Variants in EXT1 observed in about 807,000 individuals in gnomAD.
EXT1 encodes exostosin glycosyltransferase 1, also known as exostosin-1.
In EXT1, 20 loss-of-function variants were observed where a neutral mutation model predicts 82.5. The ratio of observed to expected loss-of-function variants is 0.24; its 90% CI spans 0.17 to 0.35. The LOEUF is 0.35. EXT1 is among the 10% of genes least tolerant of loss of function. The pLI, the probability that EXT1 is intolerant of heterozygous loss-of-function variation, is 1.00. For synonymous variants in EXT1, 348 were observed against 350.8 expected, an observed-to-expected ratio of 0.99 and a Z score of 0.09; for missense variants, 757 against 936.5, an observed-to-expected ratio of 0.81 and a Z score of 2.50.
intron 8 of EXT1, among the ~76,000 whole-genome samples, chr8:117,810,544 C>T (rs1361761548): frequency 6.6e-6 from 1 of 152,218 alleles, no homozygotes; most frequent in East Asian, 1.9e-4. Context: ...TGCATCACAG[C>T]AGTTGAAAGT....
chr8:117,827,065 T>C (rs563596739), intron 4 of EXT1, among the ~76,000 whole-genome samples: 1 of 152,318 alleles, frequency 6.6e-6, no homozygotes, highest in Admixed American at 6.5e-5. Context: ...GATGTGTGTG[T>C]TTTAATTATG....
intron 1 of EXT1, among the ~76,000 whole-genome samples, chr8:117,948,999 A>G (rs555814149): frequency 6.6e-6 from 1 of 152,370 alleles, no homozygotes; most frequent in Admixed American, 6.5e-5. Context: ...CCCCAGTGGA[A>G]GACAACTCTA....
At chr8:117,995,849 TC>T in intron 1 of EXT1, among the ~76,000 whole-genome samples, 1 of 152,210 alleles carries the variant, frequency 6.6e-6, no homozygotes, top group Non-Finnish European at 1.5e-5. Context: ...AGCTTCATTA[TC>T]ATCAACTGCC....
At chr8:117,926,085 T>C (rs1180677826) in intron 1 of EXT1, among the ~76,000 whole-genome samples, 1 of 152,234 alleles carries the variant, frequency 6.6e-6, no homozygotes. Context: ...TGGCCTAAGA[T>C]CTGCTAGCCG....
intron 1 of EXT1, among the ~76,000 whole-genome samples, chr8:117,892,779 C>A (rs1586268268): frequency 6.6e-6 from 1 of 152,120 alleles, no homozygotes; most frequent in East Asian, 1.9e-4. Flanking sequence ...TGGTTGAATG[C>A]TGGATATATC....
chr8:117,858,814 AAGG>A, intron 1 of EXT1, among the ~76,000 whole-genome samples: 1 of 39,874 alleles, frequency 2.5e-5, no homozygotes, highest in African/African-American at 9.7e-5. Flanking sequence ...GCAAGGCAGG[AAGG>A]AAGGAAGGAA....
Position 117,795,935 on chromosome 8 carries a change from G to GTCCC in EXT1, c.*3773_*3776dup, listed in dbSNP as rs1380602178. 1 of 152,040 alleles carries GTCCC rather than the reference G, an allele frequency of 6.6e-6. No homozygotes were observed. Among genetic ancestry groups the GTCCC allele is most frequent in the African/African-American group, 2.4e-5 (1 of 41,418 alleles). The allele number at this position is 152,040 out of a possible 1,614,324, so 9.4% of individuals were successfully genotyped here. A position where few individuals can be genotyped will look rare whatever the true frequency, so the allele number is the denominator to read the frequency against. On this transcript the variant is annotated 3_prime_UTR_variant, in exon 11 of 11. Transcript: ENST00000378204. ...TGAGAACTCAACTCAAAACAACTTT[G>GTCCC]TCCCTGTAAGCATGCCTGAGAAAAT...
rs1047715085 is a variant in EXT1 at position 117,968,771 on chromosome 8, A to G, written c.963-131570T>C. ...TTTTTAGTAGAGACGGGGTTTCACCAGGTTAGCCAGGATGGTCTCGATCTC... is the reference window on the plus strand; with the variant it reads ...TTTTTAGTAGAGACGGGGTTTCACCGGGTTAGCCAGGATGGTCTCGATCTC... On this transcript the variant is annotated intron_variant, in intron 1 of 10. Transcript: ENST00000378204. Among the ~76,000 whole-genome samples the G allele has an allele frequency of 3.7e-4, 42 of 113,270 alleles. 5 individuals are homozygous for G. Among genetic ancestry groups the G allele is most frequent in the Non-Finnish European group, 6.2e-4 (38 of 61,486 alleles). 74.3% of individuals were successfully genotyped at this position (113,270 alleles called of 152,430 possible). A position where few individuals can be genotyped will look rare whatever the true frequency, so the allele number is the denominator to read the frequency against.
intron 1 of EXT1, among the ~76,000 whole-genome samples, chr8:117,954,806 A>C (rs1213282140): frequency 3.9e-5 from 6 of 152,152 alleles, no homozygotes; most frequent in Non-Finnish European, 7.3e-5. Flanking sequence ...CCTCACACCA[A>C]CAACAAGTTC....
chr8:117,851,995 T>C (rs1209707465), intron 1 of EXT1, among the ~76,000 whole-genome samples: 6 of 152,256 alleles, frequency 3.9e-5, no homozygotes, highest in Non-Finnish European at 2.9e-5. Context: ...CTAACATTTA[T>C]TGAGAACTTA....
At chr8:118,070,226 CTGTGTGTGTGTGTGTGTGTGTGTGTG>C (rs36229782) in intron 1 of EXT1, among the ~76,000 whole-genome samples, 1 of 133,352 alleles carries the variant, frequency 7.5e-6, no homozygotes, top group African/African-American at 2.8e-5. Context: ...TCATAAATTT[CTGTGTGTGTGTGTGTGTGTGTGTGTG>C]TGTGTGTGTG....
chr8:117,873,510 C>T (rs1187034287), intron 1 of EXT1, among the ~76,000 whole-genome samples: 1 of 132,950 alleles, frequency 7.5e-6, no homozygotes, highest in Admixed American at 9.0e-5. Flanking sequence ...GGCTGGAGTG[C>T]AGTGATGTGA....
chr8:117,814,074 GAGA>G (rs924421139), intron 7 of EXT1, among the ~76,000 whole-genome samples: 8 of 151,238 alleles, frequency 5.3e-5, no homozygotes, highest in South Asian at 4.2e-4. Flanking sequence ...GGAGGAGGAG[GAGA>G]AGAAGGAGAA....
intron 1 of EXT1, among the ~76,000 whole-genome samples, chr8:117,919,905 G>A (rs935130386): frequency 6.6e-6 from 1 of 152,116 alleles, no homozygotes; most frequent in African/African-American, 2.4e-5. Flanking sequence ...ATTACAAACA[G>A]TGAATGTAGA....
At chr8:117,952,366 G>A (rs1814507445) in intron 1 of EXT1, among the ~76,000 whole-genome samples, 1 of 152,226 alleles carries the variant, frequency 6.6e-6, no homozygotes, top group Non-Finnish European at 1.5e-5. Flanking sequence ...CATTTACAGA[G>A]TAGTACTGCC....
chr8:117,962,088 G>A (rs191671315), intron 1 of EXT1, among the ~76,000 whole-genome samples: 1 of 151,488 alleles, frequency 6.6e-6, no homozygotes, highest in African/African-American at 2.4e-5. Context: ...TTTAAACAAT[G>A]CCACCTCAGT....
At chr8:118,073,632 AAGAAGAGAAGAGAAG>A (rs200527277) in intron 1 of EXT1, among the ~76,000 whole-genome samples, 8,015 of 89,458 alleles carry the variant, frequency 0.09, 298 homozygotes, top group Middle Eastern at 0.15. Context: ...AGAGAAGAGA[AAGAAGAGAAGAGAAG>A]AGAAGAGAAG....
chr8:117,846,169 A>T (rs946333800), intron 1 of EXT1, among the ~76,000 whole-genome samples: 2 of 152,024 alleles, frequency 1.3e-5, no homozygotes, highest in Non-Finnish European at 2.9e-5. Flanking sequence ...GTGCAGTGGC[A>T]TGATCTCAGC....
At chr8:118,109,001 T>G (rs1817843643) in intron 1 of EXT1, among the ~76,000 whole-genome samples, 1 of 152,172 alleles carries the variant, frequency 6.6e-6, no homozygotes. Flanking sequence ...CTGTAGGAAC[T>G]CACTAACTCT....
Sources: allele counts gnomAD v4.1 joint callset (sites outside exome capture counted in the v4.1 genomes callset), GRCh38; gene constraint gnomAD v4.1.1; transcripts MANE v1.5; gene names NCBI Gene and HGNC (gene_info 2026-07-23, HGNC 2026-07-21).